The following ACIN1 variants were observed in gnomAD, a reference collection of about 807,000 sequenced individuals.
ACIN1 encodes the protein apoptotic chromatin condensation inducer 1.
ACIN1 carries 16 observed loss-of-function variants against 146.6 expected under a neutral mutation model. The ratio of observed to expected loss-of-function variants is 0.11; its 90% CI spans 0.07 to 0.17. The LOEUF (loss-of-function observed/expected upper bound fraction) is 0.17, where lower values mean the gene tolerates loss of function less well. Ranked by LOEUF, ACIN1 falls within the 10% of genes least tolerant of loss-of-function variation. The pLI is 1.00. For missense variants in ACIN1, 1,357 were observed against 1,609.3 expected, an observed-to-expected ratio of 0.84 and a Z score of 2.68; for synonymous variants, 569 against 582.7, an observed-to-expected ratio of 0.98 and a Z score of 0.34.
intron 2 of ACIN1, 95 bp from the exon 3 acceptor site, chr14:23,090,728 T>C (rs970250963): frequency 9.0e-6 from 8 of 887,972 alleles, no homozygotes; most frequent in East Asian, 5.2e-5. Flanking sequence ...CTCCTTATAG[T>C]TGCGCCCAAG....
At chr14:23,076,622 A>G (rs990530005) in intron 8 of ACIN1, 14 of 152,364 alleles carry the variant, frequency 9.2e-5, no homozygotes, top group Middle Eastern at 6.8e-3. Flanking sequence ...AGGCTAGCAA[A>G]GAGCTTTTCA....
At position 23,078,134 on chromosome 14, in the gene ACIN1, C is replaced by A. The variant is rs753854499; in HGVS notation, c.2123+17G>T. The A allele has an allele frequency of 1.9e-6, 3 of 1,611,400 alleles. No individual in the cohort carries two copies. Among genetic ancestry groups the A allele is most frequent in the East Asian group, 4.5e-5 (2 of 44,840 alleles). On this transcript the variant is annotated intron_variant, in intron 8 of 18. Coordinates refer to ENST00000605057, the MANE Select transcript of ACIN1 (RefSeq NM_001386863.1). ...TCATAGTTCCCTGTTATACCCCGGT[C>A]GAGATATATCACTTACACAGTGTGA... is the stretch of plus-strand genomic sequence containing the variant.
At chr14:23,060,570 T>C (rs534437657) in intron 18 of ACIN1, among the ~76,000 whole-genome samples, 9 of 152,088 alleles carry the variant, frequency 5.9e-5, no homozygotes, top group Non-Finnish European at 1.3e-4. Flanking sequence ...TGGAGTGCAA[T>C]GGCACGGTCT....
Position 23,095,056 on chromosome 14 carries a change from C to T in ACIN1, c.57G>A (p.Val19=). The change falls in exon 1 of 19, where the codon GTG becomes GTA. Residue 19 remains valine, a synonymous_variant. Coordinates refer to ENST00000605057, the MANE Select transcript of ACIN1 (RefSeq NM_001386863.1). ...GCTCCAGTGCGGCCTTCAGGTCGGT[C>T]ACCCGCAGCGCCTGAAGAGGCTTCC... is the stretch of plus-strand genomic sequence containing the variant. ...LDGKPLQALR[V]TDLKAALEQR... 6.2e-7 allele frequency: 1 copy of T among 1,613,956 alleles called. No individual in the cohort carries two copies. The highest frequency in any genetic ancestry group is 8.5e-7 in the Non-Finnish European group (1 of 1,180,040).
At chr14:23,082,541 T>A (rs553675634) in intron 4 of ACIN1, among the ~76,000 whole-genome samples, 22 of 148,334 alleles carry the variant, frequency 1.5e-4, no homozygotes, top group Non-Finnish European at 2.8e-4. Context: ...GCCCCCTGGC[T>A]TCAAACCAGT....
chr14:23,063,299 A>G, intron 13 of ACIN1, 137 bp downstream of exon 13: 1 of 1,245,436 alleles, frequency 8.0e-7, no homozygotes, highest in Non-Finnish European at 1.1e-6. Flanking sequence ...TAGCTTACTT[A>G]ATATGTAGGA....
intron 5 of ACIN1, among the ~76,000 whole-genome samples, chr14:23,081,322 T>C (rs753087301): frequency 1.3e-5 from 2 of 152,228 alleles, no homozygotes; most frequent in Non-Finnish European, 2.9e-5. Context: ...TGTCTAATAA[T>C]GTGCTTTAAG....
At chr14:23,065,495 T>C (rs537898642) in intron 10 of ACIN1, among the ~76,000 whole-genome samples, 53 of 151,962 alleles carry the variant, frequency 3.5e-4, no homozygotes, top group Non-Finnish European at 6.6e-4. Context: ...CGGAGGAGGA[T>C]TGCTTGAACT....
intron 8 of ACIN1, among the ~76,000 whole-genome samples, chr14:23,074,138 G>A (rs993105172): frequency 1.1e-4 from 16 of 151,684 alleles, no homozygotes; most frequent in Non-Finnish European, 2.1e-4. Flanking sequence ...ATGCCCGGCC[G>A]AAAATTTCTT....
chr14:23,083,856 C>G (rs951009788), intron 4 of ACIN1, among the ~76,000 whole-genome samples: 1 of 152,178 alleles, frequency 6.6e-6, no homozygotes, highest in Admixed American at 6.5e-5. Context: ...AATGTTAATA[C>G]AGTACAAAAG....
intron 8 of ACIN1, among the ~76,000 whole-genome samples, chr14:23,073,269 A>G (rs2047711410): frequency 6.6e-6 from 1 of 152,246 alleles, no homozygotes; most frequent in Non-Finnish European, 1.5e-5. Context: ...CTTGGCCCCT[A>G]GCCCAGGGCC....
chr14:23,063,536 T>C lies in ACIN1; in HGVS notation c.2637A>G (p.Glu879=), dbSNP rs1327030819. 1 of 1,614,200 alleles carries C rather than the reference T, an allele frequency of 6.2e-7. No individual in the cohort carries two copies. The highest frequency in any genetic ancestry group is 1.1e-5 in the South Asian group (1 of 91,082). ...CTTCAGGTTCCTTCTCTTCTTCCTC[T>C]TCTTCCCTCTGCCCATTCTCCTGGC... The part of the protein sequence containing the change: ...AEGQENGQRE[E]EEEEKEPEAE... Residue 879 remains glutamate (E), a synonymous_variant, in exon 13 of 19, where the codon GAA becomes GAG. Transcript: ENST00000605057.
rs962432230 is a variant in ACIN1, at chr14:23,058,628, T to G, written c.*520A>C. On this transcript the variant is annotated 3_prime_UTR_variant, in exon 19 of 19. Transcript: ENST00000605057. The stretch of plus-strand genomic sequence containing the variant: ...CCACATCATTTAATAATAAAAAAAA[T>G]AAAAATAAAAATTGAACAAAAGGAA... The G allele has an allele frequency of 6.5e-6, 1 of 154,530 alleles. No individual in the cohort carries two copies. Among genetic ancestry groups the G allele is most frequent in the African/African-American group, 2.4e-5 (1 of 41,298 alleles). The allele number at this position is 154,530 out of a possible 1,614,324, so 9.6% of individuals were successfully genotyped here.
chr14:23,071,468 G>A (rs1248509020), intron 8 of ACIN1: 2 of 1,551,640 alleles, frequency 1.3e-6, no homozygotes, highest in South Asian at 1.2e-5. Context: ...TCTGGAGAAG[G>A]AGGAAGAGGG....
chr14:23,092,417 A>G (rs983208668), intron 2 of ACIN1, among the ~76,000 whole-genome samples: 2 of 152,238 alleles, frequency 1.3e-5, no homozygotes, highest in African/African-American at 4.8e-5. Flanking sequence ...CTAACATGCA[A>G]TGGGCAAAAG....
Position 23,080,169 on chromosome 14 carries a change from G to T in ACIN1, c.1166C>A (p.Ala389Asp), listed in dbSNP as rs749914558. Residue 389 changes from alanine (A) to aspartate (D), a missense_variant, in exon 6 of 19, where the codon GCT becomes GAT. Physicochemically the swap from Ala to Asp is moderately radical, Grantham distance 126 (BLOSUM62 -2). This residue lies in a region of ACIN1 where 771 missense variants were observed against 746.6 expected (regional missense o/e 1.03). Coordinates refer to ENST00000605057, the MANE Select transcript of ACIN1 (RefSeq NM_001386863.1). ...AGGAGGAGATAACTGAATGAGGACA[G>T]CGGGGGCTGGGCCTTCCATGGGCTC... is the stretch of plus-strand genomic sequence containing the variant. ...EIEPMEGPAPAVLIQLSPPNT... is the reference protein window; with the variant it reads ...EIEPMEGPAPDVLIQLSPPNT... The T allele has an allele frequency of 1.2e-6, 2 of 1,613,936 alleles. No individual in the cohort carries two copies. The highest frequency in any genetic ancestry group is 1.7e-5 in the Admixed American group (1 of 59,978).
chr14:23,060,450 TAAA>T (rs1210131641), intron 18 of ACIN1, among the ~76,000 whole-genome samples: 2 of 151,986 alleles, frequency 1.3e-5, no homozygotes, highest in Admixed American at 6.6e-5. Flanking sequence ...CAAAAACTCT[TAAA>T]AAGCAGGGAA....
intron 1 of ACIN1, chr14:23,094,603 G>C (rs2048320749): frequency 1.1e-6 from 1 of 912,424 alleles, no homozygotes; most frequent in Non-Finnish European, 1.3e-6. Context: ...CTCCGACCCA[G>C]CCCAACTCGC....
chr14:23,071,484 C>A (rs576018313), intron 8 of ACIN1: 4 of 1,551,746 alleles, frequency 2.6e-6, no homozygotes, highest in East Asian at 2.4e-5. Flanking sequence ...GAGGGCCAGG[C>A]TGCTGGTAGT....
Sources: gnomAD v4.1 joint callset for allele counts (sites outside exome capture counted in the v4.1 genomes callset) on GRCh38, gnomAD v4.1.1 for gene constraint, gnomAD v4.1.1 regional missense constraint, MANE v1.5 for transcripts, NCBI Gene and HGNC (gene_info 2026-07-23, HGNC 2026-07-21) for gene names.